OR1L8: variants seen among roughly 807,000 people sequenced by gnomAD.
The protein encoded by OR1L8 is olfactory receptor family 1 subfamily L member 8.
For missense variants in OR1L8, 330 were observed against 377.4 expected, an observed-to-expected ratio of 0.87 and a Z score of 1.04; for synonymous variants, 148 against 147.0, an observed-to-expected ratio of 1.01 and a Z score of -0.05.
chr9:122,548,585 A>T, the OR1L8 span, among the ~76,000 whole-genome samples: 2 of 151,482 alleles, frequency 1.3e-5, no homozygotes, highest in African/African-American at 2.4e-5. Context: ...ATTTTTTAAA[A>T]TTTTTATATA....
At chr9:122,552,581 C>T in the OR1L8 span, among the ~76,000 whole-genome samples, 3 of 151,952 alleles carry the variant, frequency 2.0e-5, no homozygotes, top group Middle Eastern at 6.8e-3. Context: ...TGGGGGAGTA[C>T]GACACCAGAC....
At chr9:122,576,471 A>G (rs1286046137) in intron 3 of OR1L8, among the ~76,000 whole-genome samples, 2 of 151,300 alleles carry the variant, frequency 1.3e-5, no homozygotes, top group African/African-American at 4.9e-5. Flanking sequence ...CTGACCTCAG[A>G]TGATCTGCCC....
chr9:122,555,596 CTA>C, the OR1L8 span, among the ~76,000 whole-genome samples: 3 of 152,150 alleles, frequency 2.0e-5, no homozygotes, highest in East Asian at 5.8e-4. Context: ...CATTTACAGT[CTA>C]TTTATATATA....
chr9:122,567,331 CAAGA>C lies in OR1L8; in HGVS notation c.*213_*216del, dbSNP rs1319495234. ...AGAAAGTGGAAAAAATAAATCTTTCCAAGAAAGAGGAGACACAGACAGGAAACGA... is the reference window on the plus strand; with the variant it reads ...AGAAAGTGGAAAAAATAAATCTTTCCAAGAGGAGACACAGACAGGAAACGA... On this transcript the variant is annotated 3_prime_UTR_variant, in exon 5 of 5. Transcript: ENST00000641027. The C allele has an allele frequency of 2.4e-6, 1 of 414,458 alleles. No individual in the cohort carries two copies. The highest frequency in any genetic ancestry group is 4.3e-6 in the Non-Finnish European group (1 of 235,116). 25.7% of individuals were successfully genotyped at this position (414,458 alleles called of 1,614,324 possible).
At chr9:122,559,519 G>A in the OR1L8 span, among the ~76,000 whole-genome samples, 9 of 152,144 alleles carry the variant, frequency 5.9e-5, no homozygotes, top group African/African-American at 9.6e-5. Context: ...ATTCTGGTAC[G>A]TTGTCTCTTT....
chr9:122,554,079 C>A, the OR1L8 span: 4 of 1,613,196 alleles, frequency 2.5e-6, no homozygotes, highest in Non-Finnish European at 3.4e-6. Flanking sequence ...CACGCTAAAC[C>A]CATTCATTTA....
chr9:122,574,993 A>T (rs1309989684), intron 3 of OR1L8, among the ~76,000 whole-genome samples: 1 of 152,090 alleles, frequency 6.6e-6, no homozygotes. Context: ...GATGTGATGC[A>T]TTACAATAAC....
At chr9:122,555,145 G>T in the OR1L8 span, among the ~76,000 whole-genome samples, 98,118 of 152,098 alleles carry the variant, frequency 0.65, 32,123 homozygotes, top group East Asian at 0.98. Flanking sequence ...AAAAAATGTT[G>T]CAGTGATAAC....
chr9:122,552,649 G>A, the OR1L8 span, among the ~76,000 whole-genome samples: 1 of 152,010 alleles, frequency 6.6e-6, no homozygotes, highest in Non-Finnish European at 1.5e-5. Context: ...GTACAGGACT[G>A]GTTTGAATGG....
At chr9:122,553,078 G>C in the OR1L8 span, 7 of 855,314 alleles carry the variant, frequency 8.2e-6, no homozygotes, top group South Asian at 1.2e-4. Context: ...TATTGGCAAA[G>C]ACCATTTATT....
chr9:122,551,253 G>A, the OR1L8 span, among the ~76,000 whole-genome samples: 1 of 152,140 alleles, frequency 6.6e-6, no homozygotes, highest in South Asian at 2.1e-4. Context: ...ATAATAGCAT[G>A]TACTCCAGAG....
At chr9:122,582,039 C>G (rs2118754048) in intron 1 of OR1L8, among the ~76,000 whole-genome samples, 1 of 152,222 alleles carries the variant, frequency 6.6e-6, no homozygotes, top group South Asian at 2.1e-4. Flanking sequence ...GTATTGGAGA[C>G]CTTTCCCTAA....
At chr9:122,569,558 A>G in intron 4 of OR1L8, among the ~76,000 whole-genome samples, 1 of 75,728 alleles carries the variant, frequency 1.3e-5, no homozygotes, top group Non-Finnish European at 2.6e-5. Flanking sequence ...TTACATAGAG[A>G]TTTTCAAGCA....
At position 122,568,391 on chromosome 9, in the gene OR1L8, A is replaced by G. The variant is rs1829478310; in HGVS notation, c.87T>C (p.Phe29=). ...SSRPEDQKTL[F]VLFLIVYLVT... Reference sequence around the variant, plus strand: ...CCAGGTACACGATGAGGAAGAGAACAAAGAGTGTCTTTTGGTCCTCAGGCC... The same window carrying G: ...CCAGGTACACGATGAGGAAGAGAACGAAGAGTGTCTTTTGGTCCTCAGGCC... The change falls in exon 5 of 5, where the codon TTT becomes TTC. Residue 29 remains phenylalanine, a synonymous_variant. Coordinates refer to ENST00000641027, the MANE Select transcript of OR1L8 (RefSeq NM_001004454.2). 6.2e-7 allele frequency: 1 copy of G among 1,613,824 alleles called. No homozygotes were observed.
intron 3 of OR1L8, among the ~76,000 whole-genome samples, chr9:122,574,703 T>C (rs1169780994): frequency 6.6e-6 from 1 of 152,126 alleles, no homozygotes; most frequent in African/African-American, 2.4e-5. Context: ...CTTATTGCAT[T>C]AGGTAGGATT....
rs370475943 is a variant in OR1L8 at position 122,570,430 on chromosome 9, G to A, written c.-212-1741C>T. Among the ~76,000 whole-genome samples the A allele has an allele frequency of 8.5e-5, 13 of 152,198 alleles. No homozygotes were observed. In the East Asian group the frequency reaches 2.5e-3, roughly 29 times the overall value. On this transcript the variant is annotated intron_variant, in intron 4 of 4. Coordinates refer to ENST00000641027, the MANE Select transcript of OR1L8 (RefSeq NM_001004454.2). The stretch of plus-strand genomic sequence containing the variant: ...AATTTTCACATATTTTTAAATGTTG[G>A]CTATTTATATATTGATGTACTAAAA...
chr9:122,558,105 CTTAG>C, the OR1L8 span, among the ~76,000 whole-genome samples: 1 of 151,434 alleles, frequency 6.6e-6, no homozygotes, highest in Non-Finnish European at 1.5e-5. Flanking sequence ...TTTTATTTTC[CTTAG>C]TTAGACTTAT....
chr9:122,581,959 C>A (rs1398418012), intron 1 of OR1L8, among the ~76,000 whole-genome samples: 1 of 152,198 alleles, frequency 6.6e-6, no homozygotes, highest in Non-Finnish European at 1.5e-5. Flanking sequence ...AAAGACAGAA[C>A]TTTATTTCTT....
At position 122,567,390 on chromosome 9, in the gene OR1L8, T is replaced by A. The variant is rs1044639857; in HGVS notation, c.*158A>T. 5.2e-5 allele frequency: 28 copies of A among 535,440 alleles called. No individual in the cohort carries two copies. The South Asian group carries it at 8.8e-4, about 17-fold the overall frequency. 33.2% of individuals were successfully genotyped at this position (535,440 alleles called of 1,614,324 possible). ...GATTTAAGAGATACAGGCCGAATTG[T>A]TGGGTCATCATCAATGGATGTAAGT... On this transcript the variant is annotated 3_prime_UTR_variant, in exon 5 of 5. Transcript: ENST00000641027.
Sources: allele counts gnomAD v4.1 joint callset (sites outside exome capture counted in the v4.1 genomes callset), GRCh38; gene constraint gnomAD v4.1.1; transcripts MANE v1.5; gene names NCBI Gene and HGNC (gene_info 2026-07-23, HGNC 2026-07-21).